TSNAXIP1: variants seen among roughly 807,000 people sequenced by gnomAD.
The protein encoded by TSNAXIP1 is translin-associated factor X-interacting protein 1.
In TSNAXIP1, 89 loss-of-function variants were observed where a neutral mutation model predicts 84.8. The ratio of observed to expected loss-of-function variants is 1.05; its 90% CI spans 0.88 to 1.25. TSNAXIP1 has a LOEUF of 1.25. Ranked by LOEUF, TSNAXIP1 falls within the 50% of genes most tolerant of loss-of-function variation. TSNAXIP1 has a pLI of 0.00. For missense variants in TSNAXIP1, 874 were observed against 887.6 expected (o/e 0.98, Z 0.20); for synonymous variants, 347 against 335.2 (o/e 1.04, Z -0.39).
intron 2 of TSNAXIP1, among the ~76,000 whole-genome samples, chr16:67,817,387 C>T (rs1176859434): frequency 6.9e-6 from 1 of 144,364 alleles, no homozygotes; most frequent in Admixed American, 7.0e-5. Flanking sequence ...ACCTCGTGAT[C>T]CACCCGCCTC....
chr16:67,814,473 CAA>C, intron 2 of TSNAXIP1, 72 bp downstream of exon 2: 4 of 1,238,398 alleles, frequency 3.2e-6, no homozygotes, highest in Non-Finnish European at 4.6e-6. Flanking sequence ...TCCTGCAACC[CAA>C]GAGTACCACC....
At chr16:67,818,359 T>C (rs1442388014) in intron 2 of TSNAXIP1, among the ~76,000 whole-genome samples, 2 of 151,970 alleles carry the variant, frequency 1.3e-5, no homozygotes, top group African/African-American at 4.8e-5. Flanking sequence ...ACAAAAAAGA[T>C]TTTTTAAATT....
chr16:67,826,361 A>T, intron 10 of TSNAXIP1, 76 bp from the exon 11 acceptor site: 1 of 1,604,980 alleles, frequency 6.2e-7, no homozygotes, highest in Non-Finnish European at 8.5e-7. Flanking sequence ...CTTTTGGGGA[A>T]CCAACTGGGG....
Position 67,823,737 on chromosome 16 carries a change from G to A in TSNAXIP1, c.481+18G>A. ...GATGCTGGGTAAGAATGCACCTCCT[G>A]CCAGGCGTAGTGGCTCACGCCTGTA... On this transcript the variant is annotated intron_variant, in intron 5 of 15. Transcript: ENST00000561639. The A allele has an allele frequency of 1.9e-6, 3 of 1,605,778 alleles. No homozygotes were observed. The highest frequency in any genetic ancestry group is 1.7e-6 in the Non-Finnish European group (2 of 1,173,282).
intron 3 of TSNAXIP1, 38 bp from the exon 4 acceptor site, chr16:67,821,061 G>A (rs760248778): frequency 2.5e-6 from 4 of 1,612,030 alleles, no homozygotes; most frequent in African/African-American, 1.3e-5. Context: ...AGGGCCCCGT[G>A]GGGGTGCTGG....
At chr16:67,818,666 G>A (rs914602965) in intron 2 of TSNAXIP1, among the ~76,000 whole-genome samples, 7 of 151,656 alleles carry the variant, frequency 4.6e-5, no homozygotes, top group Admixed American at 2.0e-4. Flanking sequence ...AGGACAGTTC[G>A]AGAAGCCCAG....
chr16:67,825,924 C>T lies in TSNAXIP1; in HGVS notation c.992C>T (p.Thr331Ile), dbSNP rs1567774073. Residue 331 changes from threonine (T) to isoleucine (I), a missense_variant, in exon 9 of 16, where the codon ACC becomes ATC. Transcript: ENST00000561639. ...TNKDLQEQLD[T>I]LRASYEEVRK... ...CAATGTCCTTGCCCACAGCTGGACA[C>T]CCTGAGAGCCAGCTACGAGGAGGTT... The T allele has an allele frequency of 6.2e-7, 1 of 1,614,080 alleles. No homozygotes were observed. The highest frequency in any genetic ancestry group is 2.2e-5 in the East Asian group (1 of 44,874).
intron 1 of TSNAXIP1, chr16:67,807,689 C>T (rs545743140): frequency 9.0e-5 from 23 of 254,326 alleles, no homozygotes; most frequent in Non-Finnish European, 1.5e-4. Context: ...CACCACGTTG[C>T]CCAGGCTGGT....
At chr16:67,823,896 G>A (rs2057253498) in intron 5 of TSNAXIP1, among the ~76,000 whole-genome samples, 177 bp downstream of exon 5, 1 of 150,864 alleles carries the variant, frequency 6.6e-6, no homozygotes, top group African/African-American at 2.4e-5. Context: ...GCACACACCT[G>A]TAATCCCAGC....
intron 6 of TSNAXIP1, 149 bp from the exon 7 acceptor site, chr16:67,824,988 C>T (rs528617061): frequency 8.0e-7 from 1 of 1,253,784 alleles, no homozygotes; most frequent in African/African-American, 1.5e-5. Flanking sequence ...TTGCCGAATT[C>T]TCAGAAATGG....
intron 1 of TSNAXIP1, among the ~76,000 whole-genome samples, chr16:67,812,129 G>A (rs948810215): frequency 3.9e-5 from 6 of 152,096 alleles, no homozygotes; most frequent in South Asian, 2.1e-4. Context: ...AGCAAGAGGA[G>A]TGAACACAAG....
In TSNAXIP1 at chr16:67,821,126, T is replaced by G. The variant is rs932077973; in HGVS notation, c.288T>G (p.Thr96=). 44 of 1,612,962 alleles carry G rather than the reference T, an allele frequency of 2.7e-5. No homozygotes were observed. Among genetic ancestry groups the G allele is most frequent in the Non-Finnish European group, 3.7e-5 (44 of 1,179,642 alleles). The change falls in exon 4 of 16, where the codon ACT becomes ACG. Residue 96 remains threonine, a synonymous_variant. Transcript: ENST00000561639. ...GCTGCCAGCAGCACCCCTTTCGCACTGCCAAGCCCCAGTACTTGGAGGAAC... is the reference window on the plus strand; with the variant it reads ...GCTGCCAGCAGCACCCCTTTCGCACGGCCAAGCCCCAGTACTTGGAGGAAC... The part of the protein sequence containing the change: ...VGSCQQHPFR[T]AKPQYLEELE...
At chr16:67,820,317 T>C (rs2056940666) in intron 2 of TSNAXIP1, among the ~76,000 whole-genome samples, 1 of 152,120 alleles carries the variant, frequency 6.6e-6, no homozygotes, top group Admixed American at 6.6e-5. Context: ...TCATCCCTAT[T>C]TTACAGACGT....
Position 67,826,493 on chromosome 16 carries a change from G to A in TSNAXIP1, c.1332G>A (p.Lys444=). ...FLRFDGLVEN[K]KPSKKDVVNL... ...GGTTTGATGGCCTCGTGGAGAACAA[G>A]AAGCCAAGCAAGAAGGACGTGGTCA... is the stretch of plus-strand genomic sequence containing the variant. Residue 444 remains lysine, a synonymous_variant, in exon 11 of 16, where the codon AAG becomes AAA. Transcript: ENST00000561639. 6.2e-7 allele frequency: 1 copy of A among 1,614,146 alleles called. No homozygotes were observed. The highest frequency in any genetic ancestry group is 8.5e-7 in the Non-Finnish European group (1 of 1,180,016).
Position 67,827,303 on chromosome 16 carries a change from G to A in TSNAXIP1, c.1719G>A (p.Leu573=). The A allele has an allele frequency of 6.2e-7, 1 of 1,614,246 alleles. No homozygotes were observed. Among genetic ancestry groups the A allele is most frequent in the Non-Finnish European group, 8.5e-7 (1 of 1,180,046 alleles). Residue 573 remains leucine, a synonymous_variant, in exon 14 of 16, where the codon CTG becomes CTA. Transcript: ENST00000561639. ...AGACAGAAGAGCAAATCCAGGAGCT[G>A]ATGGAGGCAGGGGGCTGGCATCCCA... ...PLKTEEQIQE[L]MEAGGWHPSS...
intron 2 of TSNAXIP1, 87 bp downstream of exon 2, chr16:67,814,488 C>T: frequency 9.3e-7 from 1 of 1,075,248 alleles, no homozygotes; most frequent in Non-Finnish European, 1.4e-6. Context: ...GTACCACCCA[C>T]CTGAAACATG....
chr16:67,817,729 T>A (rs1477055442), intron 2 of TSNAXIP1, among the ~76,000 whole-genome samples: 2 of 150,134 alleles, frequency 1.3e-5, no homozygotes, highest in Non-Finnish European at 3.0e-5. Context: ...CCGTTTCTAC[T>A]AAAAATACAA....
intron 2 of TSNAXIP1, among the ~76,000 whole-genome samples, chr16:67,817,836 A>C (rs1207804217): frequency 6.6e-6 from 1 of 151,834 alleles, no homozygotes. Context: ...CAGTGAGCCA[A>C]GATAGTGCCA....
intron 13 of TSNAXIP1, 81 bp from the exon 14 acceptor site, chr16:67,827,168 C>T (rs1293657032): frequency 6.2e-7 from 1 of 1,606,064 alleles, no homozygotes; most frequent in African/African-American, 1.3e-5. Flanking sequence ...ACAGCCTCGG[C>T]ACTCACTCCC....
Sources: gnomAD v4.1 joint callset for allele counts (sites outside exome capture counted in the v4.1 genomes callset) on GRCh38, gnomAD v4.1.1 for gene constraint, MANE v1.5 for transcripts, NCBI Gene and HGNC (gene_info 2026-07-23, HGNC 2026-07-21) for gene names.